The following METTL15 variants were observed in gnomAD, a reference collection of about 807,000 sequenced individuals.
METTL15 encodes the protein 12S rRNA N(4)-cytidine methyltransferase METTL15.
Under a neutral mutation model 38.3 loss-of-function variants are expected in METTL15, and 34 were observed. That is an observed-to-expected ratio of 0.89 (90% CI 0.68 to 1.18). The LOEUF (loss-of-function observed/expected upper bound fraction) is 1.18, where lower values mean the gene tolerates loss of function less well. Among genes scored for constraint, METTL15 ranks in the 50% most tolerant of loss-of-function variants. METTL15 has a pLI of 0.00. For missense variants in METTL15, 438 were observed against 498.4 expected (o/e 0.88, Z 1.15); for synonymous variants, 162 against 170.9 (o/e 0.95, Z 0.41).
chr11:28,244,741 G>A (rs1023755657), intron 4 of METTL15, among the ~76,000 whole-genome samples: 1 of 152,224 alleles, frequency 6.6e-6, no homozygotes. Flanking sequence ...TGCAGTGATT[G>A]AATAGTTGAG....
chr11:28,125,613 A>C (rs1852444526), intron 3 of METTL15: 1 of 152,098 alleles, frequency 6.6e-6, no homozygotes, highest in African/African-American at 2.4e-5. Context: ...CAGGTCTCTC[A>C]CACCTTTCAC....
intron 6 of METTL15, among the ~76,000 whole-genome samples, chr11:28,450,324 A>G (rs1174177137): frequency 6.6e-6 from 1 of 152,194 alleles, no homozygotes; most frequent in African/African-American, 2.4e-5. Flanking sequence ...GTTCCAGGCA[A>G]TGTATAAAGT....
At chr11:28,388,760 C>T (rs1850468356) in intron 5 of METTL15, among the ~76,000 whole-genome samples, 1 of 151,970 alleles carries the variant, frequency 6.6e-6, no homozygotes, top group South Asian at 2.1e-4. Context: ...ATACATATGC[C>T]ATGTTGGTGT....
intron 3 of METTL15, chr11:28,197,437 T>TC (rs1565158269): frequency 2.9e-6 from 1 of 349,116 alleles, no homozygotes; most frequent in Admixed American, 3.0e-5. Flanking sequence ...ACTACTTTTT[T>TC]CAGATTTTGT....
chr11:28,315,362 C>T (rs908386170), intron 6 of METTL15, among the ~76,000 whole-genome samples: 4 of 152,134 alleles, frequency 2.6e-5, no homozygotes, highest in Admixed American at 6.6e-5. Flanking sequence ...TTGCCCCTGT[C>T]CTAGAGATTT....
At chr11:28,204,994 A>G (rs929220569) in intron 3 of METTL15, among the ~76,000 whole-genome samples, 1 of 152,052 alleles carries the variant, frequency 6.6e-6, no homozygotes, top group African/African-American at 2.4e-5. Flanking sequence ...GTATGTATAG[A>G]TGAGATCCAT....
intron 6 of METTL15, among the ~76,000 whole-genome samples, chr11:28,526,156 T>C (rs891815712): frequency 4.6e-5 from 7 of 152,086 alleles, no homozygotes; most frequent in Non-Finnish European, 1.0e-4. Context: ...AGTTCCCACC[T>C]GCGCCTCTCC....
At chr11:28,492,520 CCACACACACACACACACA>C (rs34573735) in intron 6 of METTL15, among the ~76,000 whole-genome samples, 1 of 147,042 alleles carries the variant, frequency 6.8e-6, no homozygotes, top group Non-Finnish European at 1.5e-5. Context: ...GCAACTGGAG[CCACACACACACACACACA>C]CACACACATA....
At chr11:28,517,136 T>C (rs1424148385) in intron 6 of METTL15, 1 of 152,126 alleles carries the variant, frequency 6.6e-6, no homozygotes, top group Non-Finnish European at 1.5e-5. Context: ...TTGTGAAAAC[T>C]ACAGTGTAAG....
intron 3 of METTL15, among the ~76,000 whole-genome samples, chr11:28,200,859 C>A (rs1177018228): frequency 6.6e-6 from 1 of 152,076 alleles, no homozygotes; most frequent in Non-Finnish European, 1.5e-5. Context: ...CAGACAGAGA[C>A]AAATTGATTT....
chr11:28,251,175 A>T (rs1284567459), intron 4 of METTL15, among the ~76,000 whole-genome samples: 1 of 152,054 alleles, frequency 6.6e-6, no homozygotes, highest in Non-Finnish European at 1.5e-5. Flanking sequence ...AGAGATGGCA[A>T]AATTACTCCC....
At chr11:28,308,728 G>A (rs1186212062) in intron 6 of METTL15, among the ~76,000 whole-genome samples, 7 of 151,992 alleles carry the variant, frequency 4.6e-5, no homozygotes, top group Admixed American at 3.9e-4. Context: ...TATCACCAAA[G>A]CATGATAACG....
chr11:28,444,894 T>C (rs1489563889), intron 6 of METTL15, among the ~76,000 whole-genome samples: 1 of 152,184 alleles, frequency 6.6e-6, no homozygotes, highest in African/African-American at 2.4e-5. Flanking sequence ...TATTTTGCTT[T>C]GTTCAGTGTA....
At chr11:28,526,700 T>C (rs1396149959) in exon 8 of METTL15, 1 of 152,258 alleles carries the variant, frequency 6.6e-6, no homozygotes, top group Non-Finnish European at 1.5e-5. Flanking sequence ...CCTGCTGATA[T>C]CTTGATCTTG....
intron 4 of METTL15, 107 bp downstream of exon 4, chr11:28,211,305 A>G (rs1590165309): frequency 2.0e-6 from 2 of 983,524 alleles, no homozygotes; most frequent in East Asian, 5.6e-5. Context: ...ATTTTACTCC[A>G]GTAAATATTT....
At chr11:28,211,679 G>A (rs1192203788) in intron 4 of METTL15, among the ~76,000 whole-genome samples, 2 of 151,926 alleles carry the variant, frequency 1.3e-5, no homozygotes, top group Non-Finnish European at 2.9e-5. Context: ...ATCAGAAAAA[G>A]TGATGTATAA....
At chr11:28,513,073 T>A (rs903660263) in intron 6 of METTL15, among the ~76,000 whole-genome samples, 2 of 129,296 alleles carry the variant, frequency 1.5e-5, no homozygotes, top group Admixed American at 1.6e-4. Context: ...TTTTCAAGGG[T>A]CAACTGTACT....
Position 28,211,099 on chromosome 11 carries a change from C to G in METTL15, c.308C>G (p.Thr103Arg), listed in dbSNP as rs1555002023. Residue 103 changes from threonine to arginine, a missense_variant, in exon 4 of 7, where the codon ACA becomes AGA. Transcript: ENST00000407364. ...ATGACATTTGGTTCGGGAGGGCACA[C>G]AAAAGCCATTCTGCAGAAGGAGTCA... is the stretch of plus-strand genomic sequence containing the variant. ...LDMTFGSGGHTKAILQKESDI... is the reference protein window; with the variant it reads ...LDMTFGSGGHRKAILQKESDI... 2 of 1,611,876 alleles carry G rather than the reference C, an allele frequency of 1.2e-6. No homozygotes were observed. Among genetic ancestry groups the G allele is most frequent in the Non-Finnish European group, 1.7e-6 (2 of 1,178,978 alleles).
chr11:28,236,575 A>G (rs951779255), intron 4 of METTL15, among the ~76,000 whole-genome samples: 28 of 152,168 alleles, frequency 1.8e-4, no homozygotes, highest in Non-Finnish European at 3.2e-4. Context: ...TCTCTGTCTC[A>G]TAATTGGAGC....
Sources: allele counts gnomAD v4.1 joint callset (sites outside exome capture counted in the v4.1 genomes callset), GRCh38; gene constraint gnomAD v4.1.1; transcripts MANE v1.5; gene names NCBI Gene and HGNC (gene_info 2026-07-23, HGNC 2026-07-21).